FAM83G: variants seen among roughly 807,000 people sequenced by gnomAD.
The protein encoded by FAM83G is protein FAM83G.
A neutral mutation model predicts 61.5 loss-of-function variants in FAM83G; 38 were observed. The observed-to-expected ratio is 0.62, with a 90% CI of 0.48 to 0.81. FAM83G has a LOEUF of 0.81. FAM83G is among the 30% of genes least tolerant of loss of function. FAM83G has a pLI of 0.00. For synonymous variants in FAM83G, 470 were observed against 476.1 expected (o/e 0.99, Z 0.17); for missense variants, 989 against 1,133.6 (o/e 0.87, Z 1.83).
rs2043028139 is a variant in FAM83G at position 18,978,044 on chromosome 17, T to C, written c.1622A>G (p.His541Arg). The C allele has an allele frequency of 1.3e-6, 2 of 1,527,612 alleles. No homozygotes were observed. Among genetic ancestry groups the C allele is most frequent in the South Asian group, 1.3e-5 (1 of 76,800 alleles). 94.6% of individuals were successfully genotyped at this position (1,527,612 alleles called of 1,614,324 possible). ...TGGGCCTGCCATCCTGGGTAGCCTATGGTCTGTCCCATTCTGGGGAGCTTC... is the reference window on the plus strand; with the variant it reads ...TGGGCCTGCCATCCTGGGTAGCCTACGGTCTGTCCCATTCTGGGGAGCTTC... ...KEEAPQNGTD[H>R]RLPRMAGPGH... The change falls in exon 5 of 6, where the codon CAT becomes CGT. Residue 541 changes from histidine (H) to arginine (R), a missense_variant. By Grantham distance (29) the His-to-Arg change is conservative. Coordinates refer to ENST00000388995, the MANE Select transcript of FAM83G (RefSeq NM_001039999.3).
rs908127302 is a variant in FAM83G, at chr17:19,000,038, C to T, written c.522+3482G>A. Among the ~76,000 whole-genome samples the T allele has an allele frequency of 6.6e-6, 1 of 152,260 alleles. No individual in the cohort carries two copies. The highest frequency in any genetic ancestry group is 1.5e-5 in the Non-Finnish European group (1 of 68,040). ...AGCCCCAACCCAGCCCAGCCTCACG[C>T]CTTCTCAGGCTGCAGCCAAGTGAGG... On this transcript the variant is annotated intron_variant, in intron 2 of 5. Coordinates refer to ENST00000388995, the MANE Select transcript of FAM83G (RefSeq NM_001039999.3). This position sits in a 1 kb window ranked among gnomAD's most constrained non-coding sequence, Gnocchi z 5.2.
In FAM83G at chr17:18,977,749, G is replaced by T; in HGVS notation, c.1917C>A (p.Asn639Lys). Residue 639 changes from asparagine (N) to lysine (K), a missense_variant, in exon 5 of 6, where the codon AAC (asparagine) becomes AAA (lysine). This residue lies in a region of FAM83G where 574 missense variants were observed against 645.1 expected (regional missense o/e 0.89). Coordinates refer to ENST00000388995, the MANE Select transcript of FAM83G (RefSeq NM_001039999.3). ...GCCGGCGCGGTGGTGGGGTTGGCCCGTTGGCCACTTGCTCTGAGTGGCGCC... is the reference window on the plus strand; with the variant it reads ...GCCGGCGCGGTGGTGGGGTTGGCCCTTTGGCCACTTGCTCTGAGTGGCGCC... ...LRRRHSEQVANGPTPPPRRQL... is the reference protein window; with the variant it reads ...LRRRHSEQVAKGPTPPPRRQL... The T allele has an allele frequency of 6.2e-7, 1 of 1,605,354 alleles. No individual in the cohort carries two copies. The highest frequency in any genetic ancestry group is 2.2e-5 in the East Asian group (1 of 44,816).
chr17:18,982,555 TAA>T (rs1467543464), intron 3 of FAM83G, among the ~76,000 whole-genome samples: 3 of 152,182 alleles, frequency 2.0e-5, no homozygotes, highest in Non-Finnish European at 4.4e-5. Flanking sequence ...TCCTCATAAG[TAA>T]GAGAGGACGT....
chr17:18,997,289 A>G (rs1452043483), intron 2 of FAM83G, among the ~76,000 whole-genome samples: 1 of 152,242 alleles, frequency 6.6e-6, no homozygotes, highest in Non-Finnish European at 1.5e-5. Flanking sequence ...GCTCAGGAAT[A>G]CTGCAAAGAC....
chr17:18,984,431 C>T (rs2043216721), intron 3 of FAM83G, among the ~76,000 whole-genome samples: 1 of 152,206 alleles, frequency 6.6e-6, no homozygotes, highest in Non-Finnish European at 1.5e-5. Flanking sequence ...CCAGGCATCC[C>T]CGGGGAACGG....
chr17:18,971,190 T>C lies in FAM83G; in HGVS notation c.*169A>G. On this transcript the variant is annotated 3_prime_UTR_variant, in exon 6 of 6. Transcript: ENST00000388995. This position sits in a 1 kb window ranked among gnomAD's most constrained non-coding sequence, Gnocchi z 5.5. ...GGGATGACCTTTGGCCTGACCATCA[T>C]GGCCACCTGGTACTGGTGCACCGAC... The C allele has an allele frequency of 6.2e-7, 1 of 1,613,990 alleles. No homozygotes were observed. The highest frequency in any genetic ancestry group is 1.3e-5 in the African/African-American group (1 of 75,054).
At position 18,971,338 on chromosome 17, in the gene FAM83G, GCTC is replaced by G. The variant is rs962166953; in HGVS notation, c.*18_*20del. Reference sequence around the variant, plus strand: ...CTGGGCTGGGGCCTCAGAAGGTGTGGCTCCAGGCTGGGACATGCTGCTAGGGGT... The same window carrying G: ...CTGGGCTGGGGCCTCAGAAGGTGTGGCAGGCTGGGACATGCTGCTAGGGGT... On this transcript the variant is annotated 3_prime_UTR_variant, in exon 6 of 6. Transcript: ENST00000388995. This position sits in a 1 kb window ranked among gnomAD's most constrained non-coding sequence, Gnocchi z 5.5. 1 of 1,605,314 alleles carries G rather than the reference GCTC, an allele frequency of 6.2e-7. No homozygotes were observed. Among genetic ancestry groups the G allele is most frequent in the African/African-American group, 1.4e-5 (1 of 73,740 alleles).
rs2152009683 is a variant in FAM83G at position 18,978,457 on chromosome 17, C to T, written c.1209G>A (p.Glu403=). 1 of 1,607,996 alleles carries T rather than the reference C, an allele frequency of 6.2e-7. No individual in the cohort carries two copies. Among genetic ancestry groups the T allele is most frequent in the Non-Finnish European group, 8.5e-7 (1 of 1,177,288 alleles). The change falls in exon 5 of 6, where the codon GAG becomes GAA. Residue 403 remains glutamate, a synonymous_variant. Coordinates refer to ENST00000388995, the MANE Select transcript of FAM83G (RefSeq NM_001039999.3). The part of the protein sequence containing the change: ...PPIHPGLLHL[E]RANMFEYLPT... ...GCAGGTACTCAAACATGTTGGCCCT[C>T]TCCAGGTGAAGCAGTCCTGGGTGGA...
intron 3 of FAM83G, among the ~76,000 whole-genome samples, chr17:18,986,588 G>A (rs1207522162): frequency 3.9e-5 from 6 of 152,178 alleles, no homozygotes; most frequent in African/African-American, 9.7e-5. Context: ...CATTGCCTCC[G>A]GCTTCCTGGA....
intron 5 of FAM83G, chr17:18,977,106 C>T: frequency 3.5e-6 from 5 of 1,410,800 alleles, no homozygotes; most frequent in Non-Finnish European, 4.8e-6. Flanking sequence ...GTTCCCCAAC[C>T]TGGGGAGTGG....
At chr17:18,989,477 C>G (rs549597495) in intron 2 of FAM83G, among the ~76,000 whole-genome samples, 1 of 152,260 alleles carries the variant, frequency 6.6e-6, no homozygotes, top group Admixed American at 6.5e-5. Context: ...CACCAAAGCC[C>G]AAACTCCAGC....
At chr17:18,984,490 C>T (rs546188062) in intron 3 of FAM83G, among the ~76,000 whole-genome samples, 24 of 152,338 alleles carry the variant, frequency 1.6e-4, no homozygotes, top group African/African-American at 5.8e-4. Flanking sequence ...CAGCGTGAGG[C>T]CTGAGCGGCA....
chr17:18,979,303 C>G, intron 4 of FAM83G: 2 of 550,618 alleles, frequency 3.6e-6, no homozygotes, highest in African/African-American at 1.9e-5. Context: ...TGCGAAGGCA[C>G]GGCCTGGCCA....
chr17:18,998,720 C>T (rs1236365895), intron 2 of FAM83G, among the ~76,000 whole-genome samples: 1 of 152,220 alleles, frequency 6.6e-6, no homozygotes, highest in Non-Finnish European at 1.5e-5. Flanking sequence ...GGAGTTAACA[C>T]CTGGGATTAC....
rs1461710793 is a variant in FAM83G, at chr17:18,970,868, T to C, written c.*491A>G. 1 of 695,600 alleles carries C rather than the reference T, an allele frequency of 1.4e-6. No individual in the cohort carries two copies. The highest frequency in any genetic ancestry group is 2.5e-6 in the Non-Finnish European group (1 of 406,524). The allele number at this position is 695,600 out of a possible 1,614,324, so 43.1% of individuals were successfully genotyped here. A position where few individuals can be genotyped will look rare whatever the true frequency, so the allele number is the denominator to read the frequency against. On this transcript the variant is annotated 3_prime_UTR_variant, in exon 6 of 6. Transcript: ENST00000388995. The stretch of plus-strand genomic sequence containing the variant: ...AAAAACAACCCTCTACCCTCACACC[T>C]TTCCAAACACTGGGAAAGATGAGGT...
chr17:18,994,562 C>T (rs1299053228), intron 2 of FAM83G, among the ~76,000 whole-genome samples: 1 of 152,112 alleles, frequency 6.6e-6, no homozygotes, highest in Non-Finnish European at 1.5e-5. Flanking sequence ...AAAGGGGAGG[C>T]TGAGCAGAGA....
intron 3 of FAM83G, among the ~76,000 whole-genome samples, chr17:18,981,774 C>T (rs567061522): frequency 6.6e-6 from 1 of 152,226 alleles, no homozygotes; most frequent in Non-Finnish European, 1.5e-5. Context: ...CGCCGGCCCC[C>T]CACCCCGCAG....
chr17:18,978,427 CGTGG>C lies in FAM83G; in HGVS notation c.1235_1238del (p.Pro412ArgfsTer32), dbSNP rs1567790997. On this transcript the variant is annotated frameshift_variant, in exon 5 of 6. Transcript: ENST00000388995. LOFTEE classifies it high-confidence loss of function. Reference sequence around the variant, plus strand: ...CAGGCTCCGGGTCTGGCTCCACCCACGTGGGCAGGTACTCAAACATGTTGGCCCT... The same window carrying C: ...CAGGCTCCGGGTCTGGCTCCACCCACGCAGGTACTCAAACATGTTGGCCCT... 6.3e-7 allele frequency: 1 copy of C among 1,596,292 alleles called. No homozygotes were observed. The highest frequency in any genetic ancestry group is 8.5e-7 in the Non-Finnish European group (1 of 1,171,372).
chr17:18,971,645 C>A lies in FAM83G; in HGVS notation c.2186G>T (p.Ser729Ile), dbSNP rs1231069216. Residue 729 changes from serine (S) to isoleucine (I), a missense_variant, in exon 6 of 6, where the codon AGC (serine) becomes ATC (isoleucine). Transcript: ENST00000388995. This position sits in a 1 kb window ranked among gnomAD's most constrained non-coding sequence, Gnocchi z 5.5. ...RYRSAADSVQ[S>I]STRNAGPAMA... ...GGCTGGGCCAGCGTTTCTGGTAGAGCTCTGGACGCTGTCAGCAGCAGAGCG... is the reference window on the plus strand; with the variant it reads ...GGCTGGGCCAGCGTTTCTGGTAGAGATCTGGACGCTGTCAGCAGCAGAGCG... The A allele has an allele frequency of 6.2e-7, 1 of 1,613,436 alleles. No homozygotes were observed. Among genetic ancestry groups the A allele is most frequent in the East Asian group, 2.2e-5 (1 of 44,870 alleles).
Sources: allele counts gnomAD v4.1 joint callset (sites outside exome capture counted in the v4.1 genomes callset), GRCh38; gene constraint gnomAD v4.1.1; regional missense constraint gnomAD v4.1.1; non-coding constraint Gnocchi (gnomAD v3.1); transcripts MANE v1.5; gene names NCBI Gene and HGNC (gene_info 2026-07-23, HGNC 2026-07-21).